Variants in RBFOX1 observed in about 807,000 individuals in gnomAD.
RBFOX1 encodes the protein RNA binding protein fox-1 homolog 1.
In RBFOX1, 8 loss-of-function variants were observed where a neutral mutation model predicts 57.7. That is an observed-to-expected ratio of 0.14 (90% CI 0.08 to 0.25). The LOEUF is 0.25. Ranked by LOEUF, RBFOX1 falls within the 10% of genes least tolerant of loss-of-function variation. The pLI is 1.00. For synonymous variants in RBFOX1, 326 were observed against 222.4 expected (o/e 1.47, Z -4.15); for missense variants, 611 against 548.5 (o/e 1.11, Z -1.14).
At position 6,317,037 on chromosome 16, in the gene RBFOX1, C is replaced by T. The variant is rs893415630; in HGVS notation, c.-84C>T. 2.0e-6 allele frequency: 3 copies of T among 1,535,314 alleles called. No individual in the cohort carries two copies. Among genetic ancestry groups the T allele is most frequent in the Non-Finnish European group, 1.7e-6 (2 of 1,146,448 alleles). On this transcript the variant is annotated 5_prime_UTR_variant, in exon 2 of 16. Coordinates refer to ENST00000550418, the MANE Select transcript of RBFOX1 (RefSeq NM_018723.4). The stretch of plus-strand genomic sequence containing the variant: ...TCATGCAAGTGGAACTTACAGCTTC[C>T]TTGATCGGACTCAGCATTCAGTAAG...
At chr16:7,212,461 C>T (rs1170469526) in intron 4 of RBFOX1, among the ~76,000 whole-genome samples, 1 of 152,124 alleles carries the variant, frequency 6.6e-6, no homozygotes, top group Non-Finnish European at 1.5e-5. Context: ...CATGCAGATG[C>T]TGCTTTAGAG....
At chr16:6,766,603 G>C (rs564806840) in intron 3 of RBFOX1, among the ~76,000 whole-genome samples, 2 of 151,880 alleles carry the variant, frequency 1.3e-5, no homozygotes, top group Admixed American at 1.3e-4. Context: ...CATGGGACTT[G>C]TGAGCACTCA....
At chr16:5,334,108 G>A (rs1382450568) in intron 1 of RBFOX1, among the ~76,000 whole-genome samples, 2 of 152,166 alleles carry the variant, frequency 1.3e-5, no homozygotes, top group African/African-American at 2.4e-5. Context: ...GGTTTAGGGC[G>A]AGAGCTTATC....
At chr16:7,568,761 C>G (rs904329239) in intron 5 of RBFOX1, among the ~76,000 whole-genome samples, 2 of 151,362 alleles carry the variant, frequency 1.3e-5, no homozygotes, top group African/African-American at 4.9e-5. Context: ...GTGGCGGGCA[C>G]TTGTAGTGCC....
At chr16:6,412,143 AAC>A in intron 2 of RBFOX1, among the ~76,000 whole-genome samples, 1 of 143,106 alleles carries the variant, frequency 7.0e-6, no homozygotes. Flanking sequence ...AAAAAAAAAA[AAC>A]AAAAAAACAA....
At chr16:6,785,477 C>T (rs1165738083) in intron 3 of RBFOX1, among the ~76,000 whole-genome samples, 3 of 152,124 alleles carry the variant, frequency 2.0e-5, no homozygotes, top group Non-Finnish European at 4.4e-5. Context: ...GCAATAAAAG[C>T]CATTTGCATC....
chr16:5,789,947 C>G (rs2054632642), intron 3 of RBFOX1, among the ~76,000 whole-genome samples: 1 of 152,188 alleles, frequency 6.6e-6, no homozygotes. Context: ...ATGGTGGCTG[C>G]TATAACAGAT....
Position 7,113,461 on chromosome 16 carries a change from T to G in RBFOX1, c.27+61363T>G, listed in dbSNP as rs537267110. Among the ~76,000 whole-genome samples the G allele has an allele frequency of 5.3e-4, 81 of 152,284 alleles. 1 individual carries two copies. In the South Asian group the frequency reaches 0.017, roughly 31 times the overall value. On this transcript the variant is annotated intron_variant, in intron 4 of 15. Transcript: ENST00000550418. ...CTCCTGTTGACAATATCCTCCCACT[T>G]CCCTTTCGATCTTGTTATGTATTTG...
At chr16:6,259,529 G>C (rs2097688814) in intron 1 of RBFOX1, among the ~76,000 whole-genome samples, 1 of 152,034 alleles carries the variant, frequency 6.6e-6, no homozygotes, top group African/African-American at 2.4e-5. Flanking sequence ...AACTCACTTT[G>C]CCTTCCTGAT....
intron 3 of RBFOX1, among the ~76,000 whole-genome samples, chr16:5,834,850 T>C (rs1301233197): frequency 6.6e-6 from 1 of 152,110 alleles, no homozygotes; most frequent in Non-Finnish European, 1.5e-5. Context: ...TTCTTTTCCA[T>C]TGGGTAGCTA....
intron 15 of RBFOX1, chr16:7,709,608 G>A (rs1362750308): frequency 6.5e-7 from 1 of 1,532,134 alleles, no homozygotes; most frequent in Non-Finnish European, 8.7e-7. Flanking sequence ...TACAATTCAT[G>A]TTTAAAGTCA....
intron 2 of RBFOX1, among the ~76,000 whole-genome samples, chr16:5,508,227 G>C (rs1395113154): frequency 1.3e-5 from 2 of 152,164 alleles, no homozygotes; most frequent in Admixed American, 1.3e-4. Flanking sequence ...GCAGGCATTG[G>C]CCAGGGCGAG....
At chr16:5,389,501 G>C (rs1377386874) in intron 1 of RBFOX1, among the ~76,000 whole-genome samples, 1 of 151,988 alleles carries the variant, frequency 6.6e-6, no homozygotes, top group East Asian at 1.9e-4. Flanking sequence ...AATGTCCTCT[G>C]GGAGGCAAAG....
intron 4 of RBFOX1, among the ~76,000 whole-genome samples, chr16:7,234,588 ATGTGTGTG>A (rs138784510): frequency 7.1e-6 from 1 of 141,808 alleles, no homozygotes; most frequent in Non-Finnish European, 1.6e-5. Flanking sequence ...GTGTATACAT[ATGTGTGTG>A]TGTGTGTGTG....
chr16:5,384,094 C>T (rs991886533), intron 1 of RBFOX1, among the ~76,000 whole-genome samples: 16 of 152,152 alleles, frequency 1.1e-4, no homozygotes, highest in Non-Finnish European at 2.1e-4. Context: ...CAGGCCACTC[C>T]GTCAGGAGTC....
At chr16:5,366,450 A>G (rs117145058) in intron 1 of RBFOX1, 9,076 of 449,750 alleles carry the variant, frequency 0.02, 151 homozygotes, top group Middle Eastern at 0.033. Context: ...AAGACTCAGA[A>G]CCATCATCAA....
At chr16:7,069,444 G>A (rs965624426) in intron 4 of RBFOX1, among the ~76,000 whole-genome samples, 2 of 152,118 alleles carry the variant, frequency 1.3e-5, no homozygotes, top group African/African-American at 2.4e-5. Context: ...GAGAGCATGC[G>A]GTGTTCAGTT....
intron 1 of RBFOX1, among the ~76,000 whole-genome samples, chr16:6,178,049 G>A (rs1007863221): frequency 6.6e-6 from 1 of 151,960 alleles, no homozygotes; most frequent in South Asian, 2.1e-4. Flanking sequence ...AGTGTTTCAG[G>A]ATTTTATTTT....
intron 3 of RBFOX1, among the ~76,000 whole-genome samples, chr16:5,776,900 A>G (rs1042653500): frequency 1.3e-5 from 2 of 152,230 alleles, no homozygotes; most frequent in Non-Finnish European, 2.9e-5. Context: ...GGATGTATGG[A>G]TGTCTACTGA....
Sources: allele counts gnomAD v4.1 joint callset (sites outside exome capture counted in the v4.1 genomes callset), GRCh38; gene constraint gnomAD v4.1.1; transcripts MANE v1.5; gene names NCBI Gene and HGNC (gene_info 2026-07-23, HGNC 2026-07-21).